The following CAMK1D variants were observed in gnomAD, a reference collection of about 807,000 sequenced individuals.
CAMK1D encodes calcium/calmodulin dependent protein kinase ID, also known as calcium/calmodulin-dependent protein kinase type 1D.
Under a neutral mutation model 47.7 loss-of-function variants are expected in CAMK1D, and 9 were observed. The ratio of observed to expected loss-of-function variants is 0.19; its 90% CI spans 0.11 to 0.33. The LOEUF (loss-of-function observed/expected upper bound fraction) is 0.33. Among genes scored for constraint, CAMK1D ranks in the 10% least tolerant of loss-of-function variants. The pLI, the probability that CAMK1D is intolerant of heterozygous loss-of-function variation, is 1.00. For synonymous variants in CAMK1D, 184 were observed against 184.9 expected (o/e 0.99, Z 0.04); for missense variants, 291 against 488.7 (o/e 0.60, Z 3.81).
chr10:12,415,199 A>T (rs944884980), intron 1 of CAMK1D, among the ~76,000 whole-genome samples: 4 of 151,852 alleles, frequency 2.6e-5, no homozygotes, highest in African/African-American at 9.7e-5. Flanking sequence ...TGCATGTGAT[A>T]TTTCTTTTTA....
intron 3 of CAMK1D, among the ~76,000 whole-genome samples, chr10:12,700,414 C>A (rs1262506326): frequency 6.6e-6 from 1 of 152,152 alleles, no homozygotes; most frequent in Non-Finnish European, 1.5e-5. Context: ...AACTCAGTAT[C>A]ATGAGAACAG....
intron 2 of CAMK1D, among the ~76,000 whole-genome samples, chr10:12,621,700 T>C (rs1392678716): frequency 1.3e-5 from 2 of 152,228 alleles, no homozygotes; most frequent in Non-Finnish European, 2.9e-5. Flanking sequence ...TTTTTAAATA[T>C]TGGTGTCCGT....
At chr10:12,726,058 G>C (rs1398784347) in intron 3 of CAMK1D, among the ~76,000 whole-genome samples, 4 of 151,712 alleles carry the variant, frequency 2.6e-5, no homozygotes, top group African/African-American at 9.7e-5. Flanking sequence ...CACCCGGCCT[G>C]GTTTTCTAGT....
At chr10:12,703,285 C>G (rs553574071) in intron 3 of CAMK1D, among the ~76,000 whole-genome samples, 2 of 152,184 alleles carry the variant, frequency 1.3e-5, no homozygotes, top group Admixed American at 6.5e-5. Flanking sequence ...CCTATTGGAC[C>G]TACACACTCA....
chr10:12,491,451 T>C (rs1834380394), intron 1 of CAMK1D, among the ~76,000 whole-genome samples: 1 of 152,110 alleles, frequency 6.6e-6, no homozygotes. Flanking sequence ...TTGGAGGTGA[T>C]ACAAAAATAA....
At chr10:12,726,872 C>G (rs1330944248) in intron 3 of CAMK1D, among the ~76,000 whole-genome samples, 2 of 152,238 alleles carry the variant, frequency 1.3e-5, no homozygotes, top group Admixed American at 6.5e-5. Flanking sequence ...TTAAAAAATG[C>G]TTTGCACGTG....
chr10:12,505,487 C>A (rs1451273605), intron 1 of CAMK1D, among the ~76,000 whole-genome samples: 1 of 152,212 alleles, frequency 6.6e-6, no homozygotes, highest in Non-Finnish European at 1.5e-5. Context: ...AGTGCTGCTT[C>A]TCACTCAGAG....
intron 2 of CAMK1D, among the ~76,000 whole-genome samples, chr10:12,562,504 A>C (rs756299937): frequency 1.7e-4 from 26 of 152,174 alleles, no homozygotes; most frequent in Non-Finnish European, 3.2e-4. Flanking sequence ...CCTTAATTCC[A>C]AAAAGTCCCC....
intron 2 of CAMK1D, among the ~76,000 whole-genome samples, chr10:12,656,343 T>G (rs1470366956): frequency 6.6e-6 from 1 of 152,088 alleles, no homozygotes; most frequent in Non-Finnish European, 1.5e-5. Flanking sequence ...TATGCCAAAA[T>G]TAGCTGGGTG....
At chr10:12,363,195 C>T (rs1036248232) in intron 1 of CAMK1D, among the ~76,000 whole-genome samples, 3 of 151,968 alleles carry the variant, frequency 2.0e-5, no homozygotes, top group Non-Finnish European at 4.4e-5. Flanking sequence ...CCCGCCTCGG[C>T]CTCCCAAAGT....
chr10:12,785,311 G>C (rs1332593904), intron 5 of CAMK1D, among the ~76,000 whole-genome samples: 1 of 152,194 alleles, frequency 6.6e-6, no homozygotes, highest in Non-Finnish European at 1.5e-5. Flanking sequence ...GCTTTGTCTG[G>C]AGGCTGGGGA....
chr10:12,500,498 G>A (rs1175652219), intron 1 of CAMK1D, among the ~76,000 whole-genome samples: 1 of 152,164 alleles, frequency 6.6e-6, no homozygotes, highest in East Asian at 1.9e-4. Context: ...GGCATGGAGG[G>A]GCCTTTGCTG....
intron 3 of CAMK1D, among the ~76,000 whole-genome samples, chr10:12,751,078 T>G (rs145574611): frequency 0.012 from 704 of 60,202 alleles, 12 homozygotes; most frequent in Non-Finnish European, 0.017. Flanking sequence ...TAAGATAAGA[T>G]AAGATAAGAT....
intron 2 of CAMK1D, among the ~76,000 whole-genome samples, chr10:12,572,078 A>T (rs986260179): frequency 1.5e-5 from 2 of 133,750 alleles, no homozygotes; most frequent in African/African-American, 6.5e-5. Context: ...AATACATGAA[A>T]TCCCAAGCAG....
intron 3 of CAMK1D, among the ~76,000 whole-genome samples, chr10:12,702,547 T>C (rs1833564924): frequency 6.6e-6 from 1 of 152,234 alleles, no homozygotes; most frequent in Non-Finnish European, 1.5e-5. Flanking sequence ...TAGCTAACTT[T>C]TCCTATGAAA....
chr10:12,613,302 C>T (rs1588689801), intron 2 of CAMK1D, among the ~76,000 whole-genome samples: 1 of 152,184 alleles, frequency 6.6e-6, no homozygotes, highest in South Asian at 2.1e-4. Flanking sequence ...AGCTCTTGCT[C>T]ACTGCAGCAG....
At chr10:12,491,108 G>A (rs1007543674) in intron 1 of CAMK1D, among the ~76,000 whole-genome samples, 7 of 152,090 alleles carry the variant, frequency 4.6e-5, no homozygotes, top group African/African-American at 1.7e-4. Context: ...CTGGCCCCAT[G>A]CACACTTGGT....
intron 2 of CAMK1D, among the ~76,000 whole-genome samples, chr10:12,658,670 A>C (rs980028169): frequency 2.0e-5 from 3 of 152,166 alleles, no homozygotes; most frequent in Non-Finnish European, 4.4e-5. Context: ...GCAGACCCAC[A>C]GGCAGCAGAA....
At chr10:12,494,343 A>G (rs2031744) in intron 1 of CAMK1D, among the ~76,000 whole-genome samples, 5,446 of 152,250 alleles carry the variant, frequency 0.036, 290 homozygotes, top group African/African-American at 0.11. Flanking sequence ...GCTTATTTTT[A>G]GCCATTTTTC....
Sources: gnomAD v4.1 joint callset for allele counts (sites outside exome capture counted in the v4.1 genomes callset) on GRCh38, gnomAD v4.1.1 for gene constraint, MANE v1.5 for transcripts, NCBI Gene and HGNC (gene_info 2026-07-23, HGNC 2026-07-21) for gene names.